SLAIN1: variants seen among roughly 807,000 people sequenced by gnomAD.
SLAIN1 encodes SLAIN family member 1, also known as SLAIN motif-containing protein 1.
A neutral mutation model predicts 55.4 loss-of-function variants in SLAIN1; 17 were observed. The observed-to-expected ratio is 0.31, with a 90% confidence interval of 0.21 to 0.46. The LOEUF (loss-of-function observed/expected upper bound fraction) is 0.46. Ranked by LOEUF, SLAIN1 falls within the 20% of genes least tolerant of loss-of-function variation. The pLI is 1.00. For missense variants in SLAIN1, 682 were observed against 785.1 expected, an observed-to-expected ratio of 0.87 and a Z score of 1.57; for synonymous variants, 348 against 337.4, an observed-to-expected ratio of 1.03 and a Z score of -0.35.
At chr13:77,725,908 G>A (rs890879921) in intron 2 of SLAIN1, among the ~76,000 whole-genome samples, 3 of 152,186 alleles carry the variant, frequency 2.0e-5, no homozygotes, top group Non-Finnish European at 4.4e-5. Flanking sequence ...TCCCAAGATT[G>A]TCTCTAACTG....
At chr13:77,750,328 T>C (rs1257701970) in intron 4 of SLAIN1, among the ~76,000 whole-genome samples, 1 of 152,130 alleles carries the variant, frequency 6.6e-6, no homozygotes, top group African/African-American at 2.4e-5. Flanking sequence ...AAAAGAAATA[T>C]AGAAGCTCAA....
chr13:77,706,526 T>C (rs902027701), intron 1 of SLAIN1, among the ~76,000 whole-genome samples: 4 of 152,154 alleles, frequency 2.6e-5, no homozygotes, highest in Admixed American at 1.3e-4. Context: ...TATATTGTAG[T>C]GCTATCCCCT....
At chr13:77,724,908 G>A (rs988047596) in intron 2 of SLAIN1, among the ~76,000 whole-genome samples, 1 of 152,072 alleles carries the variant, frequency 6.6e-6, no homozygotes, top group African/African-American at 2.4e-5. Context: ...GCATTTTTGA[G>A]TAACAGATAT....
chr13:77,732,087 C>T (rs532006575), intron 2 of SLAIN1, among the ~76,000 whole-genome samples: 2 of 152,142 alleles, frequency 1.3e-5, no homozygotes, highest in African/African-American at 2.4e-5. Context: ...TACTTTCTAT[C>T]GTCTCTTAAG....
chr13:77,734,079 C>T (rs1253636060), intron 2 of SLAIN1, among the ~76,000 whole-genome samples: 1 of 152,102 alleles, frequency 6.6e-6, no homozygotes, highest in Admixed American at 6.6e-5. Flanking sequence ...CATTTGAGCA[C>T]ATCTGTGTGC....
intron 5 of SLAIN1, among the ~76,000 whole-genome samples, chr13:77,755,616 T>G (rs1467624056): frequency 6.6e-6 from 1 of 152,058 alleles, no homozygotes; most frequent in Non-Finnish European, 1.5e-5. Context: ...AGCCACAGAG[T>G]AAATAATTAT....
intron 2 of SLAIN1, among the ~76,000 whole-genome samples, chr13:77,739,082 G>A (rs2154410234): frequency 6.6e-6 from 1 of 151,908 alleles, no homozygotes; most frequent in East Asian, 1.9e-4. Context: ...CAGATCCTAG[G>A]CCTTAGTAAT....
intron 5 of SLAIN1, among the ~76,000 whole-genome samples, chr13:77,753,843 TC>T (rs985662477): frequency 6.6e-6 from 1 of 152,142 alleles, no homozygotes; most frequent in Non-Finnish European, 1.5e-5. Flanking sequence ...TTTGTCTTTT[TC>T]CCCCTAAATG....
chr13:77,699,142 G>A, intron 1 of SLAIN1: 1 of 1,359,434 alleles, frequency 7.4e-7, no homozygotes, highest in Non-Finnish European at 1.0e-6. Context: ...AGACTGACTT[G>A]CTTTTTAAAA....
intron 1 of SLAIN1, among the ~76,000 whole-genome samples, chr13:77,705,523 A>G (rs983549318): frequency 2.6e-5 from 4 of 152,018 alleles, no homozygotes; most frequent in South Asian, 2.1e-4. Context: ...ACTAGAATGT[A>G]TGATGTACTA....
At chr13:77,705,645 T>A (rs1458364646) in intron 1 of SLAIN1, among the ~76,000 whole-genome samples, 3 of 86,966 alleles carry the variant, frequency 3.4e-5, no homozygotes, top group Non-Finnish European at 4.6e-5. Context: ...GAAATACAGA[T>A]TTTTTTTTTT....
intron 2 of SLAIN1, chr13:77,741,423 A>G: frequency 6.1e-6 from 6 of 987,418 alleles, no homozygotes; most frequent in Non-Finnish European, 7.2e-6. Flanking sequence ...TCCGATTGGG[A>G]AAAGCTGCTT....
At chr13:77,716,131 T>G (rs2091204538) in intron 1 of SLAIN1, among the ~76,000 whole-genome samples, 1 of 151,976 alleles carries the variant, frequency 6.6e-6, no homozygotes, top group South Asian at 2.1e-4. Flanking sequence ...TTGTTTTTTT[T>G]TTTCTCACAT....
At chr13:77,741,046 C>T (rs1363715971) in intron 2 of SLAIN1, 1 of 484,166 alleles carries the variant, frequency 2.1e-6, no homozygotes, top group Non-Finnish European at 2.7e-6. Flanking sequence ...GCCACAATAA[C>T]TGTGTCAATT....
intron 3 of SLAIN1, chr13:77,744,636 T>G: frequency 1.4e-6 from 1 of 693,510 alleles, no homozygotes; most frequent in Admixed American, 2.8e-5. Context: ...AACACATTGA[T>G]ACATGGACAT....
At chr13:77,711,616 A>C (rs1251701160) in intron 1 of SLAIN1, among the ~76,000 whole-genome samples, 1 of 152,230 alleles carries the variant, frequency 6.6e-6, no homozygotes, top group Non-Finnish European at 1.5e-5. Flanking sequence ...CCAGGATCAG[A>C]TGGATTCAGA....
intron 2 of SLAIN1, chr13:77,741,501 C>T: frequency 5.6e-6 from 5 of 892,418 alleles, no homozygotes; most frequent in Non-Finnish European, 6.7e-6. Flanking sequence ...CCAGGCTTCA[C>T]AGTTTCATGA....
At chr13:77,762,722 G>A (rs1875138801) in intron 6 of SLAIN1, among the ~76,000 whole-genome samples, 1 of 152,078 alleles carries the variant, frequency 6.6e-6, no homozygotes, top group African/African-American at 2.4e-5. Context: ...TAAATGTTTT[G>A]CGAATATGAT....
At position 77,746,826 on chromosome 13, in the gene SLAIN1, C is replaced by G; in HGVS notation, c.1229C>G (p.Pro410Arg). The change falls in exon 4 of 7, where the codon CCA becomes CGA. Residue 410 changes from proline (P) to arginine (R), a missense_variant. Pro to Arg is a moderately radical substitution (Grantham distance 103). Around this residue, in one of 3 missense-constraint regions of SLAIN1, gnomAD observed 244 missense variants for 295.2 expected, o/e 0.83. Coordinates refer to ENST00000418532, the MANE Select transcript of SLAIN1 (RefSeq NM_001242868.2). ...QQYYSPQAQTPDQQPNRTNGD... is the reference protein window; with the variant it reads ...QQYYSPQAQTRDQQPNRTNGD... ...TATTATTCACCTCAAGCCCAAACTC[C>G]AGATCAGCAACCAAATAGGACCAAT... is the stretch of plus-strand genomic sequence containing the variant. 6.2e-7 allele frequency: 1 copy of G among 1,613,278 alleles called. No individual in the cohort carries two copies. The highest frequency in any genetic ancestry group is 8.5e-7 in the Non-Finnish European group (1 of 1,179,450).
Sources: gnomAD v4.1 joint callset for allele counts (sites outside exome capture counted in the v4.1 genomes callset) on GRCh38, gnomAD v4.1.1 for gene constraint, gnomAD v4.1.1 regional missense constraint, MANE v1.5 for transcripts, NCBI Gene and HGNC (gene_info 2026-07-23, HGNC 2026-07-21) for gene names.